Variants in MPPED2 observed in about 807,000 individuals in gnomAD.
MPPED2 encodes the protein metallophosphoesterase MPPED2.
MPPED2 carries 5 observed loss-of-function variants against 33.0 expected under a neutral mutation model. The ratio of observed to expected loss-of-function variants is 0.15; its 90% CI spans 0.08 to 0.32. MPPED2 has a LOEUF of 0.32. MPPED2 is among the 10% of genes least tolerant of loss of function. The probability of loss-of-function intolerance (pLI) is 1.00; values close to 1 mark genes in which losing one functional copy is unlikely to be tolerated. For synonymous variants in MPPED2, 136 were observed against 141.9 expected (o/e 0.96, Z 0.29); for missense variants, 275 against 372.1 (o/e 0.74, Z 2.15).
At chr11:30,422,075 C>T (rs1177349760) in intron 4 of MPPED2, among the ~76,000 whole-genome samples, 1 of 152,190 alleles carries the variant, frequency 6.6e-6, no homozygotes, top group Non-Finnish European at 1.5e-5. Context: ...CACTGGCTCA[C>T]CTGAACCTTA....
In MPPED2 at chr11:30,580,342, A is replaced by T; in HGVS notation, c.32T>A (p.Val11Asp). ...GCTGTACTCATCCACCGTTATGGTA[A>T]CTTTGCCTTGAGAAGGAATCCCATG... MAHGIPSQGK[V>D]TITVDEYSSN... Residue 11 changes from valine to aspartate, a missense_variant, in exon 2 of 7, where the codon GTT (valine) becomes GAT (aspartate). Physicochemically the swap from Val to Asp is radical, Grantham distance 152 (BLOSUM62 -3). Coordinates refer to ENST00000358117, the MANE Select transcript of MPPED2 (RefSeq NM_001584.3). 1 of 1,614,122 alleles carries T rather than the reference A, an allele frequency of 6.2e-7. No individual in the cohort carries two copies. Among genetic ancestry groups the T allele is most frequent in the South Asian group, 1.1e-5 (1 of 91,072 alleles).
rs909875429 is a variant in MPPED2 at position 30,476,959 on chromosome 11, C to T, written c.536+18337G>A. Among the ~76,000 whole-genome samples, 17 of 152,046 alleles carry T rather than the reference C, an allele frequency of 1.1e-4. No homozygotes were observed. In the East Asian group the frequency reaches 3.1e-3, roughly 28 times the overall value. On this transcript the variant is annotated intron_variant, in intron 4 of 6. Transcript: ENST00000358117. ...TACATATCTTTTGTTATATTTGCTC[C>T]TAAATATTTTAAGGTTTTGGTGCTA...
chr11:30,504,034 TACA>T (rs1952695400), intron 3 of MPPED2, among the ~76,000 whole-genome samples: 1 of 152,198 alleles, frequency 6.6e-6, no homozygotes, highest in South Asian at 2.1e-4. Flanking sequence ...ATAAGAGATA[TACA>T]ACAATTTGAT....
rs1331249768 is a variant in MPPED2 at position 30,411,341 on chromosome 11, T to C, written c.*127A>G. The C allele has an allele frequency of 2.8e-5, 38 of 1,378,026 alleles. No individual in the cohort carries two copies. The highest frequency in any genetic ancestry group is 3.5e-5 in the Non-Finnish European group (37 of 1,054,180). The allele number at this position is 1,378,026 out of a possible 1,614,324, so 85.4% of individuals were successfully genotyped here. Reference sequence around the variant, plus strand: ...ATAAGAAGCACAACCTCTAGCATCATTTGTGTTCCAACAATTTACAAAAAG... The same window carrying C: ...ATAAGAAGCACAACCTCTAGCATCACTTGTGTTCCAACAATTTACAAAAAG... On this transcript the variant is annotated 3_prime_UTR_variant, in exon 7 of 7. Transcript: ENST00000358117.
intron 3 of MPPED2, among the ~76,000 whole-genome samples, chr11:30,528,279 G>A (rs10835680): frequency 0.23 from 34,933 of 151,334 alleles, 4,335 homozygotes; most frequent in East Asian, 0.41. Flanking sequence ...TTTTTCAGAC[G>A]GAGTCTCGCT....
At chr11:30,480,784 T>C (rs988014570) in intron 4 of MPPED2, among the ~76,000 whole-genome samples, 5 of 152,172 alleles carry the variant, frequency 3.3e-5, no homozygotes, top group African/African-American at 1.2e-4. Flanking sequence ...TGCATTTCAA[T>C]TCCTTTCCAG....
At chr11:30,475,071 A>G (rs1296137501) in intron 4 of MPPED2, among the ~76,000 whole-genome samples, 4 of 152,206 alleles carry the variant, frequency 2.6e-5, no homozygotes, top group Non-Finnish European at 5.9e-5. Flanking sequence ...TAAGATGGAT[A>G]GATATGAAAT....
intron 2 of MPPED2, among the ~76,000 whole-genome samples, chr11:30,561,151 CA>C (rs1394436295): frequency 3.9e-5 from 6 of 152,178 alleles, no homozygotes; most frequent in Non-Finnish European, 7.4e-5. Flanking sequence ...TACACACACA[CA>C]CACTTATTTC....
chr11:30,488,589 G>T (rs1951839432), intron 4 of MPPED2, among the ~76,000 whole-genome samples: 1 of 152,194 alleles, frequency 6.6e-6, no homozygotes, highest in Admixed American at 6.5e-5. Context: ...CAATGGCGAG[G>T]TAGGAAGCAA....
In MPPED2 at chr11:30,579,221, AT is replaced by A. The variant is rs200897977; in HGVS notation, c.128+1024del. ...GTGTGTGTATTTGGGGTGTCCTACTATTTTTTTTTAAATGCTCATGTAAAAC... is the reference window on the plus strand; with the variant it reads ...GTGTGTGTATTTGGGGTGTCCTACTATTTTTTTTAAATGCTCATGTAAAAC... On this transcript the variant is annotated intron_variant, in intron 2 of 6. Coordinates refer to ENST00000358117, the MANE Select transcript of MPPED2 (RefSeq NM_001584.3). 7.1e-3 allele frequency among the ~76,000 whole-genome samples: 1,071 copies of A among 150,776 alleles called. 6 individuals carry two copies. Among genetic ancestry groups the A allele is most frequent in the Non-Finnish European group, 0.01 (695 of 67,576 alleles).
intron 6 of MPPED2, among the ~76,000 whole-genome samples, chr11:30,392,835 A>C (rs868780874): frequency 1.3e-5 from 2 of 152,308 alleles, no homozygotes; most frequent in Non-Finnish European, 1.5e-5. Flanking sequence ...GGAAGCAGCA[A>C]TATCTGAGGA....
At chr11:30,462,392 C>T (rs1950545074) in intron 4 of MPPED2, among the ~76,000 whole-genome samples, 1 of 152,120 alleles carries the variant, frequency 6.6e-6, no homozygotes, top group Admixed American at 6.5e-5. Context: ...ATACACTCAA[C>T]TTGGGCGGGA....
At chr11:30,564,241 G>C (rs1209243941) in intron 2 of MPPED2, among the ~76,000 whole-genome samples, 4 of 152,072 alleles carry the variant, frequency 2.6e-5, no homozygotes, top group Non-Finnish European at 5.9e-5. Flanking sequence ...CAGCTTTCAT[G>C]TATATCTATC....
intron 6 of MPPED2, among the ~76,000 whole-genome samples, chr11:30,389,959 A>G (rs552759208): frequency 6.6e-6 from 1 of 152,284 alleles, no homozygotes; most frequent in East Asian, 1.9e-4. Context: ...GCTACTCAAT[A>G]TCTTCATGGG....
At chr11:30,452,683 T>C (rs1950113772) in intron 4 of MPPED2, among the ~76,000 whole-genome samples, 1 of 152,200 alleles carries the variant, frequency 6.6e-6, no homozygotes, top group Admixed American at 6.5e-5. Flanking sequence ...TTCACTGTTG[T>C]GCATCCAGAT....
At chr11:30,543,110 A>G (rs1388805819) in intron 2 of MPPED2, among the ~76,000 whole-genome samples, 1 of 152,200 alleles carries the variant, frequency 6.6e-6, no homozygotes, top group Admixed American at 6.5e-5. Flanking sequence ...AAATAAAAAT[A>G]AGTCTCCTAA....
chr11:30,455,498 A>G (rs547706956), intron 4 of MPPED2, among the ~76,000 whole-genome samples: 3 of 152,354 alleles, frequency 2.0e-5, no homozygotes, highest in African/African-American at 7.2e-5. Flanking sequence ...TATTTTTATT[A>G]TTAAAATATA....
intron 2 of MPPED2, among the ~76,000 whole-genome samples, chr11:30,559,811 T>G (rs977868351): frequency 2.0e-5 from 3 of 152,376 alleles, no homozygotes; most frequent in South Asian, 4.1e-4. Flanking sequence ...TATATCATTA[T>G]GACTGGCATG....
downstream of MPPED2, among the ~76,000 whole-genome samples, chr11:30,407,879 G>GTAAATAAA (rs554823185): frequency 2.3e-3 from 356 of 151,906 alleles, 1 homozygote; most frequent in African/African-American, 8.3e-3. Context: ...AAATAAATAA[G>GTAAATAAA]TAAATAAATA....
Sources: allele counts gnomAD v4.1 joint callset (sites outside exome capture counted in the v4.1 genomes callset), GRCh38; gene constraint gnomAD v4.1.1; transcripts MANE v1.5; gene names NCBI Gene and HGNC (gene_info 2026-07-23, HGNC 2026-07-21).